GPBP1: variants seen among roughly 807,000 people sequenced by gnomAD.
GPBP1 encodes vasculin.
GPBP1 carries 13 observed loss-of-function variants against 56.5 expected under a neutral mutation model. The ratio of observed to expected loss-of-function variants is 0.23; its 90% CI spans 0.15 to 0.37. The LOEUF (loss-of-function observed/expected upper bound fraction) is 0.37, where lower values mean the gene tolerates loss of function less well. Among genes scored for constraint, GPBP1 ranks in the 10% least tolerant of loss-of-function variants. The pLI is 1.00. For missense variants in GPBP1, 477 were observed against 572.3 expected (o/e 0.83, Z 1.70); for synonymous variants, 204 against 188.9 (o/e 1.08, Z -0.66).
At chr5:57,250,837 G>A (rs1380206801) in intron 9 of GPBP1, 117 bp from the exon 10 acceptor site, 5 of 698,028 alleles carry the variant, frequency 7.2e-6, no homozygotes, top group African/African-American at 3.7e-5. Flanking sequence ...GAGCCACTGC[G>A]CCTGGCCGCA....
chr5:57,259,613 C>T (rs1225740970), intron 10 of GPBP1, among the ~76,000 whole-genome samples: 1 of 152,018 alleles, frequency 6.6e-6, no homozygotes, highest in Non-Finnish European at 1.5e-5. Flanking sequence ...AAAATGGGCC[C>T]CCTCTAAAAT....
At chr5:57,222,156 T>A (rs1755982420) in intron 3 of GPBP1, among the ~76,000 whole-genome samples, 1 of 152,156 alleles carries the variant, frequency 6.6e-6, no homozygotes, top group African/African-American at 2.4e-5. Flanking sequence ...AAACTATTTT[T>A]AAAAACAGTC....
chr5:57,222,631 G>T (rs1756002396), intron 3 of GPBP1, among the ~76,000 whole-genome samples: 1 of 152,006 alleles, frequency 6.6e-6, no homozygotes, highest in Non-Finnish European at 1.5e-5. Context: ...GATCTATGTG[G>T]ATTATGTAAT....
intron 2 of GPBP1, among the ~76,000 whole-genome samples, chr5:57,198,510 A>G (rs758821165): frequency 1.9e-4 from 29 of 152,160 alleles, no homozygotes; most frequent in African/African-American, 6.0e-4. Flanking sequence ...TTATATTTCT[A>G]TTATGGTAGT....
intron 2 of GPBP1, among the ~76,000 whole-genome samples, chr5:57,197,401 T>C (rs1423450944): frequency 1.5e-5 from 2 of 137,674 alleles, no homozygotes; most frequent in African/African-American, 2.8e-5. Context: ...CCGTCGCTCA[T>C]GCTGGAGTGT....
chr5:57,246,555 TAAAG>T (rs1561370253), intron 7 of GPBP1, 71 bp downstream of exon 7: 2 of 1,269,626 alleles, frequency 1.6e-6, no homozygotes, highest in African/African-American at 3.0e-5. Flanking sequence ...GGGGAAATGT[TAAAG>T]AATTTAAAGT....
intron 2 of GPBP1, among the ~76,000 whole-genome samples, chr5:57,204,485 C>T (rs945718805): frequency 1.1e-4 from 17 of 152,116 alleles, no homozygotes; most frequent in Non-Finnish European, 2.1e-4. Flanking sequence ...CTCCTGGATT[C>T]GGGCGATACC....
At chr5:57,260,590 T>G (rs1446189385) in intron 10 of GPBP1, among the ~76,000 whole-genome samples, 1 of 152,216 alleles carries the variant, frequency 6.6e-6, no homozygotes, top group Non-Finnish European at 1.5e-5. Flanking sequence ...GTGCAGAATT[T>G]TTTTCTTGAA....
intron 1 of GPBP1, among the ~76,000 whole-genome samples, chr5:57,174,642 C>T (rs1753716056): frequency 6.6e-6 from 1 of 152,062 alleles, no homozygotes; most frequent in African/African-American, 2.4e-5. Flanking sequence ...TCAGCAGCGC[C>T]TCAGCTTTCC....
intron 5 of GPBP1, among the ~76,000 whole-genome samples, chr5:57,235,552 T>A (rs566558616): frequency 6.6e-5 from 10 of 152,296 alleles, no homozygotes; most frequent in African/African-American, 2.4e-4. Context: ...TTAAACACAC[T>A]CTTGTTTTCT....
intron 6 of GPBP1, among the ~76,000 whole-genome samples, chr5:57,244,028 T>G (rs1740962994): frequency 6.6e-6 from 1 of 152,184 alleles, no homozygotes; most frequent in African/African-American, 2.4e-5. Flanking sequence ...ATAAAAATTT[T>G]TATTTCTTCT....
intron 2 of GPBP1, among the ~76,000 whole-genome samples, chr5:57,178,646 A>G (rs1653403043): frequency 6.6e-6 from 1 of 152,224 alleles, no homozygotes; most frequent in African/African-American, 2.4e-5. Context: ...ATTAACTTTA[A>G]TCTGTGAATA....
rs1262989100 is a variant in GPBP1, at chr5:57,231,042, C to G, written c.188-56C>G. 5 of 1,583,114 alleles carry G rather than the reference C, an allele frequency of 3.2e-6. No homozygotes were observed. The African/African-American group carries it at 5.4e-5, about 17-fold the overall frequency. On this transcript the variant is annotated intron_variant, in intron 4 of 11. Transcript: ENST00000506184. The stretch of plus-strand genomic sequence containing the variant: ...TTTTAAAGAATGTTTTGATGTGATT[C>G]AATCTTTAAGCTTCTCTTCTTTGAA...
intron 6 of GPBP1, among the ~76,000 whole-genome samples, chr5:57,241,382 A>G (rs1263541203): frequency 6.6e-6 from 1 of 152,312 alleles, no homozygotes; most frequent in Non-Finnish European, 1.5e-5. Flanking sequence ...ATTCATAGGT[A>G]TGGGAAGAGC....
In GPBP1 at chr5:57,262,947, A is replaced by AT; in HGVS notation, c.*196dup. 2.1e-6 allele frequency: 1 copy of AT among 484,244 alleles called. No individual in the cohort carries two copies. The highest frequency in any genetic ancestry group is 2.0e-5 in the African/African-American group (1 of 50,840). 30.0% of individuals were successfully genotyped at this position (484,244 alleles called of 1,614,324 possible). On this transcript the variant is annotated 3_prime_UTR_variant, in exon 12 of 12. Coordinates refer to ENST00000506184, the MANE Select transcript of GPBP1 (RefSeq NM_022913.4). ...TTGAACATTATTTCTTTGTAAATGA[A>AT]TGTTGTAGGAATGAGGACTTGGGTT...
At chr5:57,190,667 C>T (rs146584191) in intron 2 of GPBP1, among the ~76,000 whole-genome samples, 2 of 140,528 alleles carry the variant, frequency 1.4e-5, no homozygotes, top group African/African-American at 5.2e-5. Context: ...CTGCTAGATT[C>T]AAGACTGGCT....
At chr5:57,244,728 T>G (rs1429640210) in intron 6 of GPBP1, among the ~76,000 whole-genome samples, 4 of 60,616 alleles carry the variant, frequency 6.6e-5, no homozygotes, top group African/African-American at 2.6e-4. Context: ...TTGTTTGAGA[T>G]TTTTTTTTTT....
chr5:57,218,466 G>A (rs898250242), intron 3 of GPBP1, among the ~76,000 whole-genome samples: 2 of 152,180 alleles, frequency 1.3e-5, no homozygotes, highest in African/African-American at 4.8e-5. Flanking sequence ...TTAGGTGAGG[G>A]GAGGTGGTGT....
At chr5:57,235,781 T>C (rs1472261548) in intron 5 of GPBP1, among the ~76,000 whole-genome samples, 185 bp from the exon 6 acceptor site, 3 of 152,302 alleles carry the variant, frequency 2.0e-5, no homozygotes, top group South Asian at 2.1e-4. Context: ...CTTCAATGAG[T>C]AGGCAGAGCG....
Sources: gnomAD v4.1 joint callset for allele counts (sites outside exome capture counted in the v4.1 genomes callset) on GRCh38, gnomAD v4.1.1 for gene constraint, MANE v1.5 for transcripts, NCBI Gene and HGNC (gene_info 2026-07-23, HGNC 2026-07-21) for gene names.